The following SH3GL3 variants were observed in gnomAD, a reference collection of about 807,000 sequenced individuals.
The protein encoded by SH3GL3 is SH3 domain containing GRB2 like 3, endophilin A3.
Under a neutral mutation model 47.7 loss-of-function variants are expected in SH3GL3, and 33 were observed. The ratio of observed to expected loss-of-function variants is 0.69; its 90% CI spans 0.52 to 0.92. SH3GL3 has a LOEUF of 0.92. Ranked by LOEUF, SH3GL3 falls within the 40% of genes least tolerant of loss-of-function variation. SH3GL3 has a pLI of 0.00. For missense variants in SH3GL3, 363 were observed against 417.8 expected (o/e 0.87, Z 1.14); for synonymous variants, 155 against 148.8 (o/e 1.04, Z -0.30).
intron 1 of SH3GL3, among the ~76,000 whole-genome samples, chr15:83,546,762 A>T (rs1044516552): frequency 1.3e-5 from 2 of 152,170 alleles, no homozygotes; most frequent in African/African-American, 4.8e-5. Flanking sequence ...ATTAGTCAGC[A>T]GGTAGTGAAT....
chr15:83,469,014 A>G (rs956202665), intron 1 of SH3GL3, among the ~76,000 whole-genome samples: 9 of 152,126 alleles, frequency 5.9e-5, no homozygotes, highest in Non-Finnish European at 1.2e-4. Context: ...TAATAGTGAT[A>G]TAGTGTTATT....
intron 1 of SH3GL3, among the ~76,000 whole-genome samples, chr15:83,466,929 A>G (rs922491833): frequency 2.2e-4 from 33 of 152,164 alleles, no homozygotes; most frequent in Non-Finnish European, 4.1e-4. Flanking sequence ...TGAATTCTTT[A>G]TATATTATAG....
At chr15:83,529,538 G>A (rs893308563) in intron 1 of SH3GL3, among the ~76,000 whole-genome samples, 3 of 152,116 alleles carry the variant, frequency 2.0e-5, no homozygotes, top group Admixed American at 6.5e-5. Context: ...CAGGCCCCTG[G>A]GTGATGTACT....
At chr15:83,573,576 T>C (rs892759694) in intron 5 of SH3GL3, among the ~76,000 whole-genome samples, 4 of 152,202 alleles carry the variant, frequency 2.6e-5, no homozygotes, top group African/African-American at 9.6e-5. Flanking sequence ...AGCCCATCCT[T>C]TCCAGAACTC....
chr15:83,574,639 A>T (rs1020725032), intron 5 of SH3GL3, among the ~76,000 whole-genome samples: 1 of 151,944 alleles, frequency 6.6e-6, no homozygotes, highest in Non-Finnish European at 1.5e-5. Flanking sequence ...CTGGCTGCCC[A>T]CTGACAGTGG....
At chr15:83,583,755 T>C (rs1193980195) in intron 6 of SH3GL3, among the ~76,000 whole-genome samples, 1 of 152,002 alleles carries the variant, frequency 6.6e-6, no homozygotes, top group Non-Finnish European at 1.5e-5. Context: ...GGGAGATAAA[T>C]TGAGTTAATT....
chr15:83,620,903 C>T (rs2060914005), downstream of SH3GL3, among the ~76,000 whole-genome samples: 1 of 152,208 alleles, frequency 6.6e-6, no homozygotes, highest in African/African-American at 2.4e-5. Flanking sequence ...CCAGCTTCAT[C>T]AATAATCTTA....
At chr15:83,614,232 CA>C (rs923988394) in intron 8 of SH3GL3, among the ~76,000 whole-genome samples, 8 of 152,114 alleles carry the variant, frequency 5.3e-5, no homozygotes, top group African/African-American at 1.9e-4. Flanking sequence ...TTGTTCTGTT[CA>C]AATTCAAAAT....
intron 2 of SH3GL3, among the ~76,000 whole-genome samples, chr15:83,564,850 A>G (rs2045460577): frequency 6.6e-6 from 1 of 152,154 alleles, no homozygotes; most frequent in Non-Finnish European, 1.5e-5. Context: ...AATCTAGTGG[A>G]GCATAATAAC....
intron 8 of SH3GL3, among the ~76,000 whole-genome samples, chr15:83,609,843 C>T (rs560834070): frequency 3.2e-4 from 49 of 152,222 alleles, no homozygotes; most frequent in African/African-American, 1.2e-3. Flanking sequence ...GCTTCCAGAT[C>T]CTGGCATGTG....
chr15:83,633,615 C>A, the SH3GL3 span, among the ~76,000 whole-genome samples: 2 of 152,148 alleles, frequency 1.3e-5, no homozygotes, highest in African/African-American at 2.4e-5. Context: ...ACTGCAAAGG[C>A]GCCAGTTCAA....
chr15:83,597,586 A>C lies in SH3GL3; in HGVS notation c.838+8815A>C, dbSNP rs564031075. On this transcript the variant is annotated intron_variant, in intron 8 of 8. Coordinates refer to ENST00000427482, the MANE Select transcript of SH3GL3 (RefSeq NM_003027.5). ...ATACTTTTTATTTTTATATTTATTT[A>C]GTTTTATTTTATTTTATTATAATTA... Among the ~76,000 whole-genome samples, 23 of 151,054 alleles carry C rather than the reference A, an allele frequency of 1.5e-4. 1 individual carries two copies. In the South Asian group the frequency reaches 4.8e-3, roughly 31 times the overall value.
intron 1 of SH3GL3, chr15:83,489,308 G>A (rs1251777663): frequency 6.6e-6 from 1 of 152,156 alleles, no homozygotes; most frequent in Non-Finnish European, 1.5e-5. Context: ...AAAGCTAAAG[G>A]AAGAAGGTAA....
intron 6 of SH3GL3, among the ~76,000 whole-genome samples, chr15:83,583,276 C>G (rs2059878154): frequency 1.3e-5 from 2 of 152,226 alleles, no homozygotes; most frequent in Admixed American, 1.3e-4. Context: ...GTGCTACTCT[C>G]TGCTTACTCA....
chr15:83,602,310 CTTAG>C (rs1216142670), intron 8 of SH3GL3, among the ~76,000 whole-genome samples: 2 of 152,178 alleles, frequency 1.3e-5, no homozygotes, highest in Non-Finnish European at 2.9e-5. Flanking sequence ...GTAATGGCAT[CTTAG>C]TTTGTTTGGG....
intron 1 of SH3GL3, among the ~76,000 whole-genome samples, chr15:83,521,653 T>C (rs1395876487): frequency 3.3e-5 from 5 of 152,076 alleles, no homozygotes; most frequent in Non-Finnish European, 7.4e-5. Flanking sequence ...GTAGAATCAC[T>C]GAGTGGAGGT....
chr15:83,540,857 T>G (rs2044119952), intron 1 of SH3GL3, among the ~76,000 whole-genome samples: 1 of 152,190 alleles, frequency 6.6e-6, no homozygotes, highest in Non-Finnish European at 1.5e-5. Context: ...GCCACTCTGT[T>G]GTGATATCAA....
At chr15:83,590,600 A>G (rs2060068347) in intron 8 of SH3GL3, among the ~76,000 whole-genome samples, 1 of 152,184 alleles carries the variant, frequency 6.6e-6, no homozygotes, top group East Asian at 1.9e-4. Flanking sequence ...ACTGTTTTTT[A>G]TTTTAGCCAC....
At chr15:83,622,331 C>G (rs1221639461), downstream of SH3GL3, among the ~76,000 whole-genome samples, 1 of 152,192 alleles carries the variant, frequency 6.6e-6, no homozygotes, top group Non-Finnish European at 1.5e-5. Flanking sequence ...TGTATATTCA[C>G]AAAGCAGCCC....
Sources: allele counts gnomAD v4.1 joint callset (sites outside exome capture counted in the v4.1 genomes callset), GRCh38; gene constraint gnomAD v4.1.1; transcripts MANE v1.5; gene names NCBI Gene and HGNC (gene_info 2026-07-23, HGNC 2026-07-21).